SPTA1: variants seen among roughly 807,000 people sequenced by gnomAD.
SPTA1 encodes spectrin alpha, erythrocytic 1.
A neutral mutation model predicts 324.7 loss-of-function variants in SPTA1; 177 were observed. That is an observed-to-expected ratio of 0.55 (90% confidence interval 0.48 to 0.62). SPTA1 has a LOEUF of 0.62. SPTA1 is among the 20% of genes least tolerant of loss of function. The pLI, the probability that SPTA1 is intolerant of heterozygous loss-of-function variation, is 0.00. For synonymous variants in SPTA1, 1,195 were observed against 1,041.3 expected (o/e 1.15, Z -2.84); for missense variants, 3,162 against 2,883.6 (o/e 1.10, Z -2.21).
intron 35 of SPTA1, 94 bp downstream of exon 35, chr1:158,639,487 AG>A: frequency 7.7e-7 from 1 of 1,302,590 alleles, no homozygotes; most frequent in Non-Finnish European, 1.1e-6. Context: ...CAATTTTGCA[AG>A]GCTATGTTTT....
At chr1:158,650,782 C>G (rs1361679075) in intron 24 of SPTA1, among the ~76,000 whole-genome samples, 2 of 152,030 alleles carry the variant, frequency 1.3e-5, no homozygotes, top group African/African-American at 4.8e-5. Context: ...AGTTCAAATT[C>G]AATTATATTA....
At chr1:158,663,040 A>G (rs1475874743) in intron 16 of SPTA1, 95 bp from the exon 17 acceptor site, 6 of 1,527,832 alleles carry the variant, frequency 3.9e-6, no homozygotes, top group Non-Finnish European at 5.4e-6. Context: ...TGGGAAAATC[A>G]GTTCCCATAT....
chr1:158,638,708 T>TG (rs1201708486), intron 35 of SPTA1, among the ~76,000 whole-genome samples: 1 of 126,726 alleles, frequency 7.9e-6, no homozygotes, highest in Non-Finnish European at 1.6e-5. Flanking sequence ...CTCAGCTACT[T>TG]GGGAGGCTGA....
chr1:158,617,635 A>C, intron 46 of SPTA1, 47 bp from the exon 47 acceptor site: 2 of 1,521,066 alleles, frequency 1.3e-6, no homozygotes, highest in East Asian at 2.3e-5. Flanking sequence ...TCACAGGTCA[A>C]TATTTCATAC....
intron 39 of SPTA1, 72 bp from the exon 40 acceptor site, chr1:158,627,795 A>C: frequency 2.1e-6 from 3 of 1,435,174 alleles, no homozygotes; most frequent in Non-Finnish European, 2.9e-6. Context: ...ATTCAGACTC[A>C]CGGGTCTATT....
chr1:158,677,957 C>T, intron 6 of SPTA1, 123 bp from the exon 7 acceptor site: 1 of 1,198,136 alleles, frequency 8.3e-7, no homozygotes, highest in Non-Finnish European at 1.2e-6. Context: ...TTTCTTCCTA[C>T]ATACTAGCAA....
In SPTA1 at chr1:158,636,026, C is replaced by T. The variant is rs745536023; in HGVS notation, c.5319G>A (p.Leu1773=). 5.0e-6 allele frequency: 8 copies of T among 1,614,040 alleles called. No homozygotes were observed. The highest frequency in any genetic ancestry group is 6.8e-6 in the Non-Finnish European group (8 of 1,180,020). The change falls in exon 38 of 52, where the codon CTG becomes CTA. Residue 1773 remains leucine (L), a synonymous_variant. Coordinates refer to ENST00000643759, the MANE Select transcript of SPTA1 (RefSeq NM_003126.4). ...VAHEPAIQNV[L]DMAEKLKDKA... ...TGTCTTTCAGCTTCTCTGCCATATC[C>T]AGCACATTCTGAAGAACAACCCCGA...
chr1:158,622,844 A>T, intron 43 of SPTA1, 139 bp downstream of exon 43: 1 of 860,288 alleles, frequency 1.2e-6, no homozygotes, highest in Non-Finnish European at 1.9e-6. Context: ...TTTGCTCAGT[A>T]AGAATGTCTT....
intron 18 of SPTA1, among the ~76,000 whole-genome samples, chr1:158,660,686 A>G (rs550515602): frequency 5.3e-5 from 8 of 152,312 alleles, no homozygotes; most frequent in African/African-American, 1.9e-4. Context: ...TGAAAACTAG[A>G]TACTGGTTGG....
At chr1:158,622,764 A>G (rs1464967694) in intron 43 of SPTA1, 3 of 509,040 alleles carry the variant, frequency 5.9e-6, no homozygotes, top group South Asian at 2.1e-5. Flanking sequence ...CCTGGCTTCC[A>G]TCTCAAGTTA....
At chr1:158,680,043 A>C (rs420284) in intron 5 of SPTA1, among the ~76,000 whole-genome samples, 145,970 of 152,178 alleles carry the variant, frequency 0.96, 70,298 homozygotes, top group East Asian at 1. Context: ...ATACTTACAT[A>C]TACATGTAAA....
At chr1:158,647,824 G>T in intron 26 of SPTA1, 104 bp from the exon 27 acceptor site, 1 of 1,233,102 alleles carries the variant, frequency 8.1e-7, no homozygotes, top group Non-Finnish European at 1.2e-6. Context: ...ATAGATATCA[G>T]TGATGTACAA....
Position 158,665,765 on chromosome 1 carries a change from T to C in SPTA1, c.2220+551A>G, listed in dbSNP as rs1022706907. 2.6e-5 allele frequency among the ~76,000 whole-genome samples: 4 copies of C among 152,228 alleles called. No individual in the cohort carries two copies. The South Asian group carries it at 8.3e-4, about 32-fold the overall frequency. ...CCTTATTTTAAAAAAATGTAGGATT[T>C]AAAATATTTTTAAGCTTTGAATCAC... On this transcript the variant is annotated intron_variant, in intron 16 of 51. Coordinates refer to ENST00000643759, the MANE Select transcript of SPTA1 (RefSeq NM_003126.4).
intron 5 of SPTA1, among the ~76,000 whole-genome samples, chr1:158,679,724 T>C (rs1171412614): frequency 6.6e-6 from 1 of 152,132 alleles, no homozygotes; most frequent in African/African-American, 2.4e-5. Flanking sequence ...AATCATCTGA[T>C]TCACAGAGTC....
At chr1:158,659,295 A>G (rs911374187) in intron 18 of SPTA1, among the ~76,000 whole-genome samples, 4 of 152,134 alleles carry the variant, frequency 2.6e-5, no homozygotes, top group Admixed American at 1.3e-4. Context: ...AGACTATGAT[A>G]GATTAAAAAA....
chr1:158,637,998 T>G lies in SPTA1; in HGVS notation c.5189+35A>C, dbSNP rs2518492. 1 allele frequency: 1,606,319 copies of G among 1,606,494 alleles called. 803,072 individuals are homozygous for G. The highest frequency in any genetic ancestry group is 1 in the Middle Eastern group (5,924 of 5,924). On this transcript the variant is annotated intron_variant, in intron 36 of 51. Coordinates refer to ENST00000643759, the MANE Select transcript of SPTA1 (RefSeq NM_003126.4). The stretch of plus-strand genomic sequence containing the variant: ...GTTTGGTGGATTATCTACTCGCTTG[T>G]ATTATCCACACATTTTTGAGCTGGT...
At chr1:158,637,238 C>T (rs1465032588) in intron 36 of SPTA1, among the ~76,000 whole-genome samples, 2 of 152,140 alleles carry the variant, frequency 1.3e-5, no homozygotes, top group Admixed American at 1.3e-4. Flanking sequence ...TTGAGCATCA[C>T]CACGAAGTAC....
chr1:158,667,759 T>C, intron 15 of SPTA1, 99 bp downstream of exon 15: 1 of 1,322,138 alleles, frequency 7.6e-7, no homozygotes, highest in African/African-American at 1.5e-5. Flanking sequence ...TAGTATACCT[T>C]CTCATAGAGG....
intron 27 of SPTA1, among the ~76,000 whole-genome samples, chr1:158,646,451 T>C (rs781267716): frequency 1.3e-5 from 2 of 152,126 alleles, no homozygotes; most frequent in African/African-American, 2.4e-5. Flanking sequence ...TAGGAACTCA[T>C]ACTTTAGGTT....
Sources: gnomAD v4.1 joint callset for allele counts (sites outside exome capture counted in the v4.1 genomes callset) on GRCh38, gnomAD v4.1.1 for gene constraint, MANE v1.5 for transcripts, NCBI Gene and HGNC (gene_info 2026-07-23, HGNC 2026-07-21) for gene names.